The following SLC18A2 variants were observed in gnomAD, a reference collection of about 807,000 sequenced individuals.
SLC18A2 encodes the protein solute carrier family 18 member A2.
A neutral mutation model predicts 59.2 loss-of-function variants in SLC18A2; 33 were observed. The observed-to-expected ratio is 0.56, with a 90% CI of 0.42 to 0.75. The LOEUF is 0.75. Among genes scored for constraint, SLC18A2 ranks in the 30% least tolerant of loss-of-function variants. SLC18A2 has a pLI of 0.00. For missense variants in SLC18A2, 569 were observed against 668.6 expected (o/e 0.85, Z 1.64); for synonymous variants, 228 against 253.5 (o/e 0.90, Z 0.95).
rs368504674 is a variant in SLC18A2 at position 117,255,612 on chromosome 10, C to T, written c.850C>T (p.Pro284Ser). The T allele has an allele frequency of 1.9e-6, 3 of 1,614,008 alleles. No homozygotes were observed. Among genetic ancestry groups the T allele is most frequent in the Non-Finnish European group, 2.5e-6 (3 of 1,179,996 alleles). ...RVQPESQKGT[P>S]LTTLLKDPYI... ...TTCTTGACAGAGTCAGAAGGGGACA[C>T]CCCTAACCACGCTGCTGAAGGACCC... The change falls in exon 9 of 16, where the codon CCC becomes TCC. Residue 284 changes from proline to serine, a missense_variant. This residue lies in a region of SLC18A2 where 377 missense variants were observed against 389.8 expected (regional missense o/e 0.97). Transcript: ENST00000644641.
At chr10:117,259,851 A>C (rs2133737407) in intron 10 of SLC18A2, among the ~76,000 whole-genome samples, 1 of 152,206 alleles carries the variant, frequency 6.6e-6, no homozygotes, top group South Asian at 2.1e-4. Flanking sequence ...CAGCCCTTTC[A>C]CTTGGGGAAC....
chr10:117,254,916 G>T (rs1395343078), intron 6 of SLC18A2, among the ~76,000 whole-genome samples: 1 of 152,188 alleles, frequency 6.6e-6, no homozygotes. Context: ...TTCCTCTTCC[G>T]ATTTCCCGCC....
At position 117,269,941 on chromosome 10, in the gene SLC18A2, G is replaced by A; in HGVS notation, c.1187-130G>A. 4.6e-6 allele frequency: 5 copies of A among 1,095,634 alleles called. No homozygotes were observed. The highest frequency in any genetic ancestry group is 6.6e-6 in the Non-Finnish European group (5 of 754,580). 67.9% of individuals were successfully genotyped at this position (1,095,634 alleles called of 1,614,324 possible). On this transcript the variant is annotated intron_variant, in intron 13 of 15. Coordinates refer to ENST00000644641, the MANE Select transcript of SLC18A2 (RefSeq NM_003054.6). This position sits in a 1 kb window ranked among gnomAD's most constrained non-coding sequence, Gnocchi z 5.1. ...TACTCAAAGATTAGTATCACCCCAA[G>A]ACTTGCAGGTGGTGATGACAGAAGG... is the stretch of plus-strand genomic sequence containing the variant.
At position 117,269,011 on chromosome 10, in the gene SLC18A2, CACTG is replaced by C. The variant is rs1844386518; in HGVS notation, c.1187-1057_1187-1054del. ...TCATACACACAAACACACATACACA[CACTG>C]ACACACGCATACACACACACATACA... On this transcript the variant is annotated intron_variant, in intron 13 of 15. Transcript: ENST00000644641. This position sits in a 1 kb window ranked among gnomAD's most constrained non-coding sequence, Gnocchi z 5.1. 1.3e-5 allele frequency among the ~76,000 whole-genome samples: 2 copies of C among 151,662 alleles called. No homozygotes were observed. Among genetic ancestry groups the C allele is most frequent in the Admixed American group, 6.6e-5 (1 of 15,218 alleles).
At chr10:117,247,044 C>T (rs1393619752) in intron 3 of SLC18A2, among the ~76,000 whole-genome samples, 1 of 152,194 alleles carries the variant, frequency 6.6e-6, no homozygotes, top group East Asian at 1.9e-4. Context: ...CTGGGCAGCT[C>T]TTCTGGACAC....
At chr10:117,267,138 G>A (rs1390047701) in intron 12 of SLC18A2, 103 bp downstream of exon 12, 8 of 838,030 alleles carry the variant, frequency 9.5e-6, no homozygotes, top group Admixed American at 4.8e-5. Flanking sequence ...GTTTGTTGAT[G>A]TTTTATTACA....
chr10:117,242,884 A>G (rs1447857163), intron 2 of SLC18A2, among the ~76,000 whole-genome samples: 1 of 151,998 alleles, frequency 6.6e-6, no homozygotes, highest in African/African-American at 2.4e-5. Flanking sequence ...GGCATGCCCC[A>G]CCAAAGCTGG....
At chr10:117,257,198 G>A (rs191086293) in intron 9 of SLC18A2, among the ~76,000 whole-genome samples, 1 of 152,296 alleles carries the variant, frequency 6.6e-6, no homozygotes, top group East Asian at 1.9e-4. Context: ...ACAGTTCCGT[G>A]GGTCTTTTTC....
chr10:117,255,168 C>G (rs1384536976), intron 6 of SLC18A2, 109 bp from the exon 7 acceptor site: 2 of 1,053,302 alleles, frequency 1.9e-6, no homozygotes, highest in East Asian at 2.5e-5. Flanking sequence ...CACCCCAAAG[C>G]CTTATTGGAA....
Position 117,269,552 on chromosome 10 carries a change from T to A in SLC18A2, c.1187-519T>A, listed in dbSNP as rs1844399999. 6.6e-6 allele frequency among the ~76,000 whole-genome samples: 1 copy of A among 151,994 alleles called. No individual in the cohort carries two copies. Among genetic ancestry groups the A allele is most frequent in the South Asian group, 2.1e-4 (1 of 4,802 alleles). On this transcript the variant is annotated intron_variant, in intron 13 of 15. Transcript: ENST00000644641. This position sits in a 1 kb window ranked among gnomAD's most constrained non-coding sequence, Gnocchi z 5.1. ...GGCTCAGACTCCCTGGCTCAGTGAG[T>A]GTGGTCAAGCCTCGCCTCTCTGAGT...
At chr10:117,249,971 AG>A (rs1354721087) in intron 3 of SLC18A2, among the ~76,000 whole-genome samples, 1 of 152,138 alleles carries the variant, frequency 6.6e-6, no homozygotes, top group African/African-American at 2.4e-5. Flanking sequence ...AATTGAGACA[AG>A]GGGGGCAACT....
intron 10 of SLC18A2, among the ~76,000 whole-genome samples, chr10:117,259,283 A>G (rs1844265933): frequency 6.6e-6 from 1 of 152,242 alleles, no homozygotes; most frequent in Admixed American, 6.5e-5. Flanking sequence ...TTATGAATAT[A>G]TCCACCAAAG....
chr10:117,260,250 C>T (rs1387434540), intron 10 of SLC18A2, among the ~76,000 whole-genome samples: 3 of 152,104 alleles, frequency 2.0e-5, no homozygotes, highest in Non-Finnish European at 4.4e-5. Context: ...GTGCTAGGGG[C>T]CCCACTGCTC....
At chr10:117,261,799 G>A (rs1844296842) in intron 10 of SLC18A2, among the ~76,000 whole-genome samples, 1 of 152,240 alleles carries the variant, frequency 6.6e-6, no homozygotes, top group African/African-American at 2.4e-5. Flanking sequence ...CTAATGGGGT[G>A]TGAGGTTTCT....
At chr10:117,247,318 G>A (rs1844119549) in intron 3 of SLC18A2, among the ~76,000 whole-genome samples, 1 of 152,242 alleles carries the variant, frequency 6.6e-6, no homozygotes, top group Non-Finnish European at 1.5e-5. Flanking sequence ...GAGCATCAGA[G>A]CTTGCAGAGA....
At chr10:117,272,052 C>T (rs1844433815) in intron 15 of SLC18A2, among the ~76,000 whole-genome samples, 1 of 152,142 alleles carries the variant, frequency 6.6e-6, no homozygotes, top group African/African-American at 2.4e-5. Flanking sequence ...GCCACACTGG[C>T]CCCACCATGT....
intron 15 of SLC18A2, among the ~76,000 whole-genome samples, chr10:117,271,227 G>A (rs1844421958): frequency 6.6e-6 from 1 of 152,194 alleles, no homozygotes; most frequent in Admixed American, 6.5e-5. Context: ...CAGGTGAAAG[G>A]AGAGTGTCTT....
chr10:117,270,288 G>A, intron 14 of SLC18A2, 42 bp from the exon 15 acceptor site: 2 of 1,613,800 alleles, frequency 1.2e-6, no homozygotes, highest in Non-Finnish European at 1.7e-6. Context: ...CAGTCTACAA[G>A]ACATTTGGAA....
In SLC18A2 at chr10:117,269,055, A is replaced by C. The variant is rs1844388657; in HGVS notation, c.1187-1016A>C. Among the ~76,000 whole-genome samples, 1 of 150,158 alleles carries C rather than the reference A, an allele frequency of 6.7e-6. No homozygotes were observed. The highest frequency in any genetic ancestry group is 2.1e-4 in the South Asian group (1 of 4,688). Reference sequence around the variant, plus strand: ...ACACACATACACACATACACCCCCCACATAAACACATACACATACACAAAT... The same window carrying C: ...ACACACATACACACATACACCCCCCCCATAAACACATACACATACACAAAT... On this transcript the variant is annotated intron_variant, in intron 13 of 15. Transcript: ENST00000644641. This position sits in a 1 kb window ranked among gnomAD's most constrained non-coding sequence, Gnocchi z 5.1.
Sources: allele counts gnomAD v4.1 joint callset (sites outside exome capture counted in the v4.1 genomes callset), GRCh38; gene constraint gnomAD v4.1.1; regional missense constraint gnomAD v4.1.1; non-coding constraint Gnocchi (gnomAD v3.1); transcripts MANE v1.5; gene names NCBI Gene and HGNC (gene_info 2026-07-23, HGNC 2026-07-21).